The following GOLPH3 variants were observed in gnomAD, a reference collection of about 807,000 sequenced individuals.
GOLPH3 encodes the protein golgi phosphoprotein 3, also known as coat protein GPP34.
Under a neutral mutation model 28.5 loss-of-function variants are expected in GOLPH3, and 14 were observed. The ratio of observed to expected loss-of-function variants is 0.49; its 90% CI spans 0.32 to 0.77. GOLPH3 has a LOEUF of 0.77. Among genes scored for constraint, GOLPH3 ranks in the 30% least tolerant of loss-of-function variants. The pLI is 0.03. For synonymous variants in GOLPH3, 158 were observed against 159.2 expected (o/e 0.99, Z 0.06); for missense variants, 350 against 393.7 (o/e 0.89, Z 0.94).
At chr5:32,160,387 A>AT (rs1383629869) in intron 1 of GOLPH3, among the ~76,000 whole-genome samples, 1 of 152,216 alleles carries the variant, frequency 6.6e-6, no homozygotes, top group Non-Finnish European at 1.5e-5. Flanking sequence ...TGGAAGTAAT[A>AT]TATTTCAAGA....
chr5:32,158,128 A>AAAT (rs1554049292), intron 1 of GOLPH3, among the ~76,000 whole-genome samples: 542 of 41,666 alleles, frequency 0.013, 31 homozygotes, highest in African/African-American at 0.041. Context: ...ATAAATAAAT[A>AAAT]AAATACACAC....
intron 1 of GOLPH3, among the ~76,000 whole-genome samples, chr5:32,156,502 CA>C (rs375697964): frequency 0.02 from 2,750 of 138,068 alleles, 26 homozygotes; most frequent in Non-Finnish European, 0.026. Context: ...GATTCTGTCT[CA>C]AAAAAAAAAA....
chr5:32,127,688 G>T (rs1040975812), intron 3 of GOLPH3, among the ~76,000 whole-genome samples: 1 of 152,160 alleles, frequency 6.6e-6, no homozygotes, highest in African/African-American at 2.4e-5. Context: ...TTAAGTTGCT[G>T]TCTTAAAATA....
intron 1 of GOLPH3, among the ~76,000 whole-genome samples, chr5:32,167,664 AAGC>A (rs1269939140): frequency 6.6e-6 from 1 of 151,498 alleles, no homozygotes; most frequent in Admixed American, 6.6e-5. Flanking sequence ...AAGGTATAAT[AAGC>A]AGACCAGGCG....
chr5:32,136,241 AG>A, intron 2 of GOLPH3, among the ~76,000 whole-genome samples: 1 of 152,166 alleles, frequency 6.6e-6, no homozygotes, highest in Non-Finnish European at 1.5e-5. Context: ...GCACCTTGGG[AG>A]GCCGAGGCGG....
chr5:32,137,726 G>A (rs1657096886), intron 2 of GOLPH3, among the ~76,000 whole-genome samples: 1 of 152,064 alleles, frequency 6.6e-6, no homozygotes, highest in South Asian at 2.1e-4. Context: ...GGGAGAGATG[G>A]GAGGGAAAAT....
In GOLPH3 at chr5:32,172,549, G is replaced by A. The variant is rs142521359; in HGVS notation, c.225+1261C>T. On this transcript the variant is annotated intron_variant, in intron 1 of 3. Coordinates refer to ENST00000265070, the MANE Select transcript of GOLPH3 (RefSeq NM_022130.4). ...GTCTCTACTAAAGGTATGAAAATTA[G>A]CTGGGCATGGCGGCGCACGTCTGTA... is the stretch of plus-strand genomic sequence containing the variant. 3.6e-3 allele frequency among the ~76,000 whole-genome samples: 553 copies of A among 152,232 alleles called. 2 individuals carry two copies. Among genetic ancestry groups the A allele is most frequent in the African/African-American group, 0.013 (522 of 41,526 alleles).
In GOLPH3 at chr5:32,171,610, T is replaced by C. The variant is rs531606428; in HGVS notation, c.225+2200A>G. On this transcript the variant is annotated intron_variant, in intron 1 of 3. Transcript: ENST00000265070. ...TTAATTTTGCTTTTCTTTTTTTTTG[T>C]ATTTTCTAAAATGTCTATAATAATG... 1.1e-4 allele frequency among the ~76,000 whole-genome samples: 17 copies of C among 152,196 alleles called. No homozygotes were observed. The South Asian group carries it at 3.3e-3, about 30-fold the overall frequency.
chr5:32,145,591 A>G (rs1447539527), intron 1 of GOLPH3, among the ~76,000 whole-genome samples: 2 of 152,234 alleles, frequency 1.3e-5, no homozygotes, highest in African/African-American at 4.8e-5. Context: ...TCATAAAGCA[A>G]TAATGGACGT....
rs534200076 is a variant in GOLPH3, at chr5:32,144,535, G to A, written c.226-655C>T. On this transcript the variant is annotated intron_variant, in intron 1 of 3. Coordinates refer to ENST00000265070, the MANE Select transcript of GOLPH3 (RefSeq NM_022130.4). ...GTCCAAGAGTTCAAGGCTACAGTGAGCAATAATTACACCAACACACTGCAG... is the reference window on the plus strand; with the variant it reads ...GTCCAAGAGTTCAAGGCTACAGTGAACAATAATTACACCAACACACTGCAG... Among the ~76,000 whole-genome samples, 9 of 152,348 alleles carry A rather than the reference G, an allele frequency of 5.9e-5. No homozygotes were observed. The East Asian group carries it at 1.7e-3, about 29-fold the overall frequency.
Position 32,125,050 on chromosome 5 carries a change from G to A in GOLPH3, c.*1162C>T, listed in dbSNP as rs1381000856. ...TCTGACAATGCTAATTATCCTAATT[G>A]TATATAAAAAATTAAAACATAGAGC... On this transcript the variant is annotated 3_prime_UTR_variant, in exon 4 of 4. Transcript: ENST00000265070. 6.6e-6 allele frequency: 1 copy of A among 152,580 alleles called. No homozygotes were observed. Among genetic ancestry groups the A allele is most frequent in the African/African-American group, 2.4e-5 (1 of 41,442 alleles). The allele number at this position is 152,580 out of a possible 1,614,324, so 9.5% of individuals were successfully genotyped here. A position where few individuals can be genotyped will look rare whatever the true frequency, so the allele number is the denominator to read the frequency against.
chr5:32,158,274 G>A (rs1746500557), intron 1 of GOLPH3, among the ~76,000 whole-genome samples: 1 of 151,420 alleles, frequency 6.6e-6, no homozygotes, highest in African/African-American at 2.4e-5. Flanking sequence ...CTCATTTTCA[G>A]CAGATTACTT....
intron 1 of GOLPH3, among the ~76,000 whole-genome samples, chr5:32,165,652 AC>A (rs1392317268): frequency 6.6e-6 from 1 of 152,334 alleles, no homozygotes; most frequent in Admixed American, 6.5e-5. Context: ...ATGAGCTTTG[AC>A]ACACAGAACT....
chr5:32,140,350 A>C (rs1746029427), intron 2 of GOLPH3, among the ~76,000 whole-genome samples: 1 of 152,138 alleles, frequency 6.6e-6, no homozygotes. Context: ...ACAAAAATAA[A>C]ACAACAAAAA....
intron 1 of GOLPH3, among the ~76,000 whole-genome samples, chr5:32,148,135 G>A (rs528578192): frequency 6.6e-6 from 1 of 152,254 alleles, no homozygotes; most frequent in South Asian, 2.1e-4. Context: ...ATCTATCTGG[G>A]GAAGACAGCT....
chr5:32,148,832 A>C (rs1323661878), intron 1 of GOLPH3, among the ~76,000 whole-genome samples: 4 of 151,796 alleles, frequency 2.6e-5, no homozygotes, highest in Non-Finnish European at 5.9e-5. Context: ...AAAATTACCC[A>C]GGCGTGGTGG....
At chr5:32,136,604 A>C (rs976536549) in intron 2 of GOLPH3, among the ~76,000 whole-genome samples, 9 of 152,350 alleles carry the variant, frequency 5.9e-5, no homozygotes, top group African/African-American at 1.9e-4. Flanking sequence ...AAGCATTATT[A>C]TTAGTCCCAG....
chr5:32,141,910 A>G (rs1746072172), intron 2 of GOLPH3, among the ~76,000 whole-genome samples: 1 of 132,306 alleles, frequency 7.6e-6, no homozygotes, highest in South Asian at 2.4e-4. Flanking sequence ...AGTGCTCAAA[A>G]TGGTGCCCAG....
intron 1 of GOLPH3, among the ~76,000 whole-genome samples, chr5:32,159,736 TATC>T (rs1746533735): frequency 6.6e-6 from 1 of 152,248 alleles, no homozygotes; most frequent in Non-Finnish European, 1.5e-5. Context: ...ATTTATAAAT[TATC>T]ATCTAGGTTC....
Sources: gnomAD v4.1 joint callset for allele counts (sites outside exome capture counted in the v4.1 genomes callset) on GRCh38, gnomAD v4.1.1 for gene constraint, MANE v1.5 for transcripts, NCBI Gene and HGNC (gene_info 2026-07-23, HGNC 2026-07-21) for gene names.